AGO3: variants seen among roughly 807,000 people sequenced by gnomAD.
AGO3 encodes the protein argonaute RISC catalytic component 3, also known as protein argonaute-3.
Under a neutral mutation model 105.5 loss-of-function variants are expected in AGO3, and 16 were observed. That is an observed-to-expected ratio of 0.15 (90% CI 0.10 to 0.23). The LOEUF (loss-of-function observed/expected upper bound fraction) is 0.23, where lower values mean the gene tolerates loss of function less well. Among genes scored for constraint, AGO3 ranks in the 10% least tolerant of loss-of-function variants. AGO3 has a pLI of 1.00. For synonymous variants in AGO3, 340 were observed against 367.3 expected, an observed-to-expected ratio of 0.93 and a Z score of 0.85; for missense variants, 534 against 1,088.0, an observed-to-expected ratio of 0.49 and a Z score of 7.16.
chr1:36,033,047 C>T lies in AGO3; in HGVS notation c.1592-1127C>T, dbSNP rs183540748. Among the ~76,000 whole-genome samples the T allele has an allele frequency of 7.0e-3, 1,060 of 152,104 alleles. 10 individuals carry two copies. Among genetic ancestry groups the T allele is most frequent in the African/African-American group, 0.024 (1,009 of 41,508 alleles). ...CTTCAAGAGGCTGAGGCAGGAGAAT[C>T]ACTTGAACCCAGAAGGCAGAGGTTG... On this transcript the variant is annotated intron_variant, in intron 12 of 18. Transcript: ENST00000373191.
intron 5 of AGO3, chr1:36,004,016 A>G (rs1412290582): frequency 5.6e-6 from 1 of 179,772 alleles, no homozygotes. Context: ...AAGAAATAAT[A>G]CCTAACCATC....
intron 14 of AGO3, among the ~76,000 whole-genome samples, chr1:36,038,198 A>T (rs116752814): frequency 0.015 from 2,279 of 150,114 alleles, 45 homozygotes; most frequent in African/African-American, 0.053. Context: ...GCAGGCTATG[A>T]GGCTAGGAAG....
Position 36,062,410 on chromosome 1 carries a change from T to C in AGO3, c.*6665T>C, listed in dbSNP as rs1013250210. On this transcript the variant is annotated 3_prime_UTR_variant, in exon 19 of 19. Coordinates refer to ENST00000373191, the MANE Select transcript of AGO3 (RefSeq NM_024852.4). ...GATCAGCTTAAGTGAGAAAGCAAAATGATAATCTCTATTGTTAGAGAAATT... is the reference window on the plus strand; with the variant it reads ...GATCAGCTTAAGTGAGAAAGCAAAACGATAATCTCTATTGTTAGAGAAATT... 2.0e-5 allele frequency: 3 copies of C among 152,138 alleles called. No individual in the cohort carries two copies. The highest frequency in any genetic ancestry group is 7.2e-5 in the African/African-American group (3 of 41,414). The allele number at this position is 152,138 out of a possible 1,614,324, so 9.4% of individuals were successfully genotyped here.
intron 1 of AGO3, among the ~76,000 whole-genome samples, chr1:35,938,763 T>G (rs1437691276): frequency 6.6e-6 from 1 of 152,206 alleles, no homozygotes; most frequent in Non-Finnish European, 1.5e-5. Context: ...CCATGAATAT[T>G]AAAGAAAATG....
chr1:35,996,269 AATT>A (rs796972236), intron 5 of AGO3, among the ~76,000 whole-genome samples: 5 of 151,922 alleles, frequency 3.3e-5, no homozygotes, highest in African/African-American at 9.7e-5. Context: ...AGGTTGCAGT[AATT>A]ATTATCACCA....
intron 2 of AGO3, among the ~76,000 whole-genome samples, chr1:35,960,021 C>T (rs1328490126): frequency 6.6e-6 from 1 of 151,862 alleles, no homozygotes; most frequent in Non-Finnish European, 1.5e-5. Context: ...ACTTTCTTAA[C>T]AACTTAGTGA....
chr1:36,036,283 G>T lies in AGO3; in HGVS notation c.1842+16G>T, dbSNP rs199741773. ...TATTGCTGCTGTGAGTGTTAGCCAGGTTTATCTTACCTAAGGTTGACAGAC... is the reference window on the plus strand; with the variant it reads ...TATTGCTGCTGTGAGTGTTAGCCAGTTTTATCTTACCTAAGGTTGACAGAC... On this transcript the variant is annotated intron_variant, in intron 14 of 18. Coordinates refer to ENST00000373191, the MANE Select transcript of AGO3 (RefSeq NM_024852.4). 3.6e-4 allele frequency: 587 copies of T among 1,610,934 alleles called. 1 individual carries two copies. In the Middle Eastern group the frequency reaches 4.1e-3, roughly 11 times the overall value.
intron 4 of AGO3, 94 bp from the exon 5 acceptor site, chr1:35,973,281 A>G (rs1571452990): frequency 8.2e-7 from 1 of 1,221,372 alleles, no homozygotes; most frequent in East Asian, 2.8e-5. Context: ...GATAAGCATC[A>G]TTATGTTAAT....
chr1:36,007,908 A>G (rs1471060831), intron 6 of AGO3, among the ~76,000 whole-genome samples: 1 of 152,126 alleles, frequency 6.6e-6, no homozygotes, highest in Non-Finnish European at 1.5e-5. Context: ...CACATTCTAG[A>G]GCAGGCCTGG....
In AGO3 at chr1:35,981,254, C is replaced by T. The variant is rs536598225; in HGVS notation, c.658+7743C>T. Among the ~76,000 whole-genome samples the T allele has an allele frequency of 3.9e-5, 6 of 152,152 alleles. No homozygotes were observed. In the South Asian group the frequency reaches 1.2e-3, roughly 32 times the overall value. Reference sequence around the variant, plus strand: ...ATGGTATTATTGTATGTATACTTACCACTTTTTTGTTGCTTATATTGGCAT... The same window carrying T: ...ATGGTATTATTGTATGTATACTTACTACTTTTTTGTTGCTTATATTGGCAT... On this transcript the variant is annotated intron_variant, in intron 5 of 18. Coordinates refer to ENST00000373191, the MANE Select transcript of AGO3 (RefSeq NM_024852.4).
chr1:35,949,173 C>A (rs1243295025), intron 2 of AGO3, among the ~76,000 whole-genome samples: 2 of 152,166 alleles, frequency 1.3e-5, no homozygotes, highest in African/African-American at 4.8e-5. Flanking sequence ...GAATTCCCAA[C>A]CTCAGGTGAT....
chr1:36,015,092 C>T (rs1001587829), intron 11 of AGO3, among the ~76,000 whole-genome samples: 4 of 152,112 alleles, frequency 2.6e-5, no homozygotes, highest in African/African-American at 9.7e-5. Context: ...GGTTCACTCC[C>T]ACAAGGCTGC....
intron 2 of AGO3, among the ~76,000 whole-genome samples, chr1:35,955,958 C>A (rs1432416141): frequency 8.5e-5 from 13 of 152,120 alleles, no homozygotes; most frequent in Non-Finnish European, 1.6e-4. Flanking sequence ...CCGTGTGTTG[C>A]ACCTGACCAT....
At chr1:35,987,553 G>A (rs914673047) in intron 5 of AGO3, among the ~76,000 whole-genome samples, 3 of 151,714 alleles carry the variant, frequency 2.0e-5, no homozygotes, top group African/African-American at 4.8e-5. Context: ...GTATGTACTA[G>A]GTACATACAA....
intron 6 of AGO3, among the ~76,000 whole-genome samples, chr1:36,004,877 GTTAT>G (rs774179840): frequency 3.3e-5 from 5 of 152,036 alleles, no homozygotes; most frequent in East Asian, 1.9e-4. Flanking sequence ...TGAAATGATA[GTTAT>G]TTATTTTAGT....
chr1:35,997,003 C>T (rs759561226), intron 5 of AGO3, among the ~76,000 whole-genome samples: 5 of 152,150 alleles, frequency 3.3e-5, no homozygotes, highest in East Asian at 1.9e-4. Flanking sequence ...GGCGGCCAGA[C>T]GCAGTGGCTC....
At chr1:35,982,842 A>T (rs542057082) in intron 5 of AGO3, 1 of 492,842 alleles carries the variant, frequency 2.0e-6, no homozygotes, top group Admixed American at 3.7e-5. Context: ...TTGGAAAAAA[A>T]TAGACCAGAG....
intron 17 of AGO3, among the ~76,000 whole-genome samples, chr1:36,047,128 A>G (rs1158989545): frequency 1.3e-5 from 2 of 152,104 alleles, no homozygotes; most frequent in African/African-American, 2.4e-5. Context: ...CTATAATCCC[A>G]GCTACTCGAG....
At chr1:35,985,540 G>A (rs1647154030) in intron 5 of AGO3, among the ~76,000 whole-genome samples, 1 of 152,216 alleles carries the variant, frequency 6.6e-6, no homozygotes, top group African/African-American at 2.4e-5. Flanking sequence ...ATCTGATGTA[G>A]TGTTTCAGAT....
Sources: gnomAD v4.1 joint callset for allele counts (sites outside exome capture counted in the v4.1 genomes callset) on GRCh38, gnomAD v4.1.1 for gene constraint, MANE v1.5 for transcripts, NCBI Gene and HGNC (gene_info 2026-07-23, HGNC 2026-07-21) for gene names.